Variants in AFAP1 observed in about 807,000 individuals in gnomAD.
AFAP1 encodes the protein actin filament-associated protein 1.
A neutral mutation model predicts 93.9 loss-of-function variants in AFAP1; 75 were observed. The ratio of observed to expected loss-of-function variants is 0.80; its 90% CI spans 0.66 to 0.97. AFAP1 has a LOEUF of 0.97. AFAP1 is among the 50% of genes least tolerant of loss of function. The pLI, the probability that AFAP1 is intolerant of heterozygous loss-of-function variation, is 0.00. For synonymous variants in AFAP1, 517 were observed against 430.7 expected (o/e 1.20, Z -2.48); for missense variants, 1,201 against 1,050.8 (o/e 1.14, Z -1.98).
At chr4:7,909,822 CAG>C (rs1719630370) in intron 1 of AFAP1, among the ~76,000 whole-genome samples, 1 of 152,274 alleles carries the variant, frequency 6.6e-6, no homozygotes. Flanking sequence ...GGTCTGGAGT[CAG>C]CATGCATGCT....
At chr4:7,874,530 ATTTTTTTTTTTTTTTTTTTTTTT>A (rs71175435) in intron 1 of AFAP1, among the ~76,000 whole-genome samples, 1 of 51,498 alleles carries the variant, frequency 1.9e-5, no homozygotes, top group Non-Finnish European at 3.0e-5. Context: ...TGCCCAGCTA[ATTTTTTTTTTTTTTTTTTTTTTT>A]TTTTTTTTTT....
At chr4:7,818,013 T>C (rs1173164195) in intron 7 of AFAP1, among the ~76,000 whole-genome samples, 3 of 152,146 alleles carry the variant, frequency 2.0e-5, no homozygotes, top group Non-Finnish European at 2.9e-5. Flanking sequence ...CATTACGGTA[T>C]GAGGATGAGG....
At chr4:7,852,127 G>A (rs1714508651) in intron 4 of AFAP1, among the ~76,000 whole-genome samples, 1 of 152,126 alleles carries the variant, frequency 6.6e-6, no homozygotes, top group Non-Finnish European at 1.5e-5. Context: ...AGGCTTGGGG[G>A]CAAGAGACTT....
chr4:7,933,482 A>G (rs1399880099), intron 1 of AFAP1, among the ~76,000 whole-genome samples: 1 of 152,206 alleles, frequency 6.6e-6, no homozygotes, highest in African/African-American at 2.4e-5. Context: ...CTGAGGCAGG[A>G]GAATCACTTG....
chr4:7,872,294 C>T (rs1295215651), intron 1 of AFAP1: 1 of 485,684 alleles, frequency 2.1e-6, no homozygotes, highest in Non-Finnish European at 3.5e-6. Context: ...TGCTTTAAGG[C>T]AGCAAAATTC....
chr4:7,838,420 T>C, intron 6 of AFAP1, 104 bp downstream of exon 6: 1 of 1,338,972 alleles, frequency 7.5e-7, no homozygotes, highest in Non-Finnish European at 9.9e-7. Context: ...GGTGAATCCA[T>C]CTTGCCTATG....
intron 1 of AFAP1, among the ~76,000 whole-genome samples, chr4:7,933,586 A>G (rs945385849): frequency 2.0e-5 from 3 of 152,130 alleles, no homozygotes; most frequent in African/African-American, 7.2e-5. Flanking sequence ...AAAAATATTT[A>G]AAAAAAGGGT....
chr4:7,781,320 T>C (rs1716744916), intron 13 of AFAP1, 56 bp downstream of exon 13: 8 of 1,533,242 alleles, frequency 5.2e-6, no homozygotes, highest in East Asian at 2.5e-5. Context: ...CAAAACTCTG[T>C]TGGAGCAATG....
chr4:7,857,112 G>C (rs1277212585), intron 3 of AFAP1, among the ~76,000 whole-genome samples: 2 of 152,072 alleles, frequency 1.3e-5, no homozygotes, highest in Admixed American at 6.6e-5. Flanking sequence ...CCACTACCTA[G>C]ATTCTGTAAA....
chr4:7,766,658 T>C (rs752872460), intron 17 of AFAP1, among the ~76,000 whole-genome samples: 1 of 151,524 alleles, frequency 6.6e-6, no homozygotes, highest in Non-Finnish European at 1.5e-5. Context: ...TCCAGGTGAA[T>C]GTGTCACGAG....
intron 1 of AFAP1, among the ~76,000 whole-genome samples, chr4:7,884,254 G>C (rs1429102142): frequency 3.3e-5 from 5 of 152,140 alleles, no homozygotes; most frequent in Non-Finnish European, 5.9e-5. Context: ...GCAGAACTAT[G>C]AGCCAATTAA....
chr4:7,909,720 A>T (rs1719625885), intron 1 of AFAP1, among the ~76,000 whole-genome samples: 1 of 152,182 alleles, frequency 6.6e-6, no homozygotes, highest in Non-Finnish European at 1.5e-5. Flanking sequence ...GGATCAGTGG[A>T]TCTCAATTTT....
At chr4:7,838,437 CAAAATTAAAATT>C (rs567891544) in intron 6 of AFAP1, 75 bp downstream of exon 6, 18 of 1,449,618 alleles carry the variant, frequency 1.2e-5, no homozygotes, top group South Asian at 5.9e-5. Flanking sequence ...TATGCTTGAA[CAAAATTAAAATT>C]AAAATTAAAA....
chr4:7,856,468 CTGA>C (rs1350698203), intron 3 of AFAP1, among the ~76,000 whole-genome samples: 3 of 152,250 alleles, frequency 2.0e-5, no homozygotes, highest in African/African-American at 7.2e-5. Flanking sequence ...TCTCGAACTC[CTGA>C]CCTCGTGATC....
At chr4:7,870,476 A>G (rs991895144) in intron 2 of AFAP1, among the ~76,000 whole-genome samples, 1 of 152,170 alleles carries the variant, frequency 6.6e-6, no homozygotes, top group Non-Finnish European at 1.5e-5. Flanking sequence ...CGTGGACAAC[A>G]TGGCAAAACC....
chr4:7,897,002 TCTTCC>T (rs1263890184), intron 1 of AFAP1, among the ~76,000 whole-genome samples: 2 of 152,142 alleles, frequency 1.3e-5, no homozygotes, highest in Non-Finnish European at 2.9e-5. Flanking sequence ...GCTCCCCTTC[TCTTCC>T]CAACCTCTGA....
At chr4:7,851,158 T>C (rs1463938632) in intron 4 of AFAP1, among the ~76,000 whole-genome samples, 1 of 152,166 alleles carries the variant, frequency 6.6e-6, no homozygotes, top group African/African-American at 2.4e-5. Context: ...ACCATCTTAC[T>C]TCTGAGGAAC....
In AFAP1 at chr4:7,809,756, C is replaced by T. The variant is rs1719846765; in HGVS notation, c.912G>A (p.Arg304=). The T allele has an allele frequency of 3.7e-6, 6 of 1,613,098 alleles. No homozygotes were observed. Among genetic ancestry groups the T allele is most frequent in the Non-Finnish European group, 5.1e-6 (6 of 1,179,772 alleles). ...TTCNGKEQVK[R]KKSSKSEAKG... The stretch of plus-strand genomic sequence containing the variant: ...TGGCCTCTGATTTGGAACTTTTCTT[C>T]CTCTTCACTGTCAAGAGTAACAACA... Residue 304 remains arginine (R), a synonymous_variant, in exon 9 of 18, where the codon AGG becomes AGA. Transcript: ENST00000420658.
intron 1 of AFAP1, among the ~76,000 whole-genome samples, chr4:7,922,933 A>T (rs1420533522): frequency 6.6e-6 from 1 of 152,216 alleles, no homozygotes; most frequent in African/African-American, 2.4e-5. Flanking sequence ...ATTTAGGGTT[A>T]CAGTGAGCTA....
Sources: gnomAD v4.1 joint callset for allele counts (sites outside exome capture counted in the v4.1 genomes callset) on GRCh38, gnomAD v4.1.1 for gene constraint, MANE v1.5 for transcripts, NCBI Gene and HGNC (gene_info 2026-07-23, HGNC 2026-07-21) for gene names.